BTAF1: variants seen among roughly 807,000 people sequenced by gnomAD.
BTAF1 encodes the protein TATA-binding protein-associated factor 172.
In BTAF1, 38 loss-of-function variants were observed where a neutral mutation model predicts 227.1. The ratio of observed to expected loss-of-function variants is 0.17; its 90% CI spans 0.13 to 0.22. The LOEUF is 0.22. BTAF1 is among the 10% of genes least tolerant of loss of function. BTAF1 has a pLI of 1.00. For missense variants in BTAF1, 1,598 were observed against 2,204.0 expected (o/e 0.73, Z 5.51); for synonymous variants, 742 against 751.9 (o/e 0.99, Z 0.21).
chr10:91,991,181 G>A (rs1848702729), intron 20 of BTAF1, among the ~76,000 whole-genome samples: 1 of 150,194 alleles, frequency 6.7e-6, no homozygotes, highest in Non-Finnish European at 1.5e-5. Flanking sequence ...GGGAGGCTGA[G>A]CTTGCAGTGA....
chr10:92,002,422 G>A (rs10882016), intron 25 of BTAF1, among the ~76,000 whole-genome samples: 41,480 of 152,010 alleles, frequency 0.27, 6,929 homozygotes, highest in Non-Finnish European at 0.38. Context: ...GGACACTCAC[G>A]AGGGGTTGCT....
At position 91,948,190 on chromosome 10, in the gene BTAF1, G is replaced by A. The variant is rs1240956781; in HGVS notation, c.401-3213G>A. Among the ~76,000 whole-genome samples, 29 of 142,368 alleles carry A rather than the reference G, an allele frequency of 2.0e-4. No homozygotes were observed. In the East Asian group the frequency reaches 5.2e-3, roughly 26 times the overall value. 93.4% of individuals were successfully genotyped at this position (142,368 alleles called of 152,430 possible). A position where few individuals can be genotyped will look rare whatever the true frequency, so the allele number is the denominator to read the frequency against. On this transcript the variant is annotated intron_variant, in intron 4 of 37. Transcript: ENST00000265990. ...CACCCCACGACAGGCCCCGGTGTGC[G>A]ACGTTCCTCCCCCTGTGTCCAAGTG...
intron 14 of BTAF1, among the ~76,000 whole-genome samples, chr10:91,976,762 C>T (rs1414044355): frequency 6.6e-6 from 1 of 152,116 alleles, no homozygotes; most frequent in African/African-American, 2.4e-5. Context: ...TTCCAGTGGC[C>T]AGGATGGATT....
intron 4 of BTAF1, among the ~76,000 whole-genome samples, chr10:91,948,502 A>G (rs1447673071): frequency 6.7e-6 from 1 of 150,338 alleles, no homozygotes; most frequent in Non-Finnish European, 1.5e-5. Flanking sequence ...CAATCCTCCC[A>G]TCTTGCTAGG....
rs201856191 is a variant in BTAF1, at chr10:91,989,351, T to A, written c.2625T>A (p.Asn875Lys). Residue 875 changes from asparagine to lysine, a missense_variant, in exon 20 of 38, where the codon AAT becomes AAA. By Grantham distance (94) the Asn-to-Lys change is moderately conservative (BLOSUM62 0). Coordinates refer to ENST00000265990, the MANE Select transcript of BTAF1 (RefSeq NM_003972.3). ...TGCAGCAGCTTCCGGAGAAATTAAA[T>A]CCTATCATAAAACCATTAATGGAGA... The part of the protein sequence containing the change: ...VSLQQLPEKL[N>K]PIIKPLMETI... The A allele has an allele frequency of 6.2e-7, 1 of 1,614,104 alleles. No individual in the cohort carries two copies. The highest frequency in any genetic ancestry group is 8.5e-7 in the Non-Finnish European group (1 of 1,180,024).
At chr10:91,950,835 T>TG (rs1845723982) in intron 4 of BTAF1, among the ~76,000 whole-genome samples, 1 of 149,482 alleles carries the variant, frequency 6.7e-6, no homozygotes, top group South Asian at 2.1e-4. Flanking sequence ...GAGATGTATT[T>TG]TTTTTTTTTT....
chr10:92,008,188 CT>C lies in BTAF1; in HGVS notation c.3731del (p.Leu1244TrpfsTer5). On this transcript the variant is annotated frameshift_variant, in exon 26 of 38. Transcript: ENST00000265990. LOFTEE classifies it high-confidence loss of function. ...LIQLKAKERH[F>X]LEQLLDGKKL... ...TCCAATTGAAAGCCAAGGAGCGACACTTTTTGGAGCAATTGTTAGATGGGAA... is the reference window on the plus strand; with the variant it reads ...TCCAATTGAAAGCCAAGGAGCGACACTTTTGGAGCAATTGTTAGATGGGAA... The C allele has an allele frequency of 6.2e-7, 1 of 1,604,810 alleles. No individual in the cohort carries two copies. The highest frequency in any genetic ancestry group is 8.5e-7 in the Non-Finnish European group (1 of 1,178,146).
intron 14 of BTAF1, among the ~76,000 whole-genome samples, chr10:91,978,814 G>GTTTTTTTTTT (rs145477284): frequency 4.5e-5 from 4 of 89,866 alleles, no homozygotes; most frequent in African/African-American, 1.8e-4. Context: ...TTTATGGCTT[G>GTTTTTTTTTT]TTTTTTTTTT....
At chr10:92,008,610 A>G (rs1005869808) in intron 26 of BTAF1, among the ~76,000 whole-genome samples, 3 of 151,776 alleles carry the variant, frequency 2.0e-5, no homozygotes, top group African/African-American at 7.3e-5. Context: ...TGGCCCCCCA[A>G]AGTGCTGGGA....
intron 14 of BTAF1, among the ~76,000 whole-genome samples, chr10:91,971,788 A>G (rs980120160): frequency 5.9e-5 from 9 of 151,952 alleles, no homozygotes; most frequent in Admixed American, 5.9e-4. Context: ...CAAACCTTTC[A>G]GGAAGCTTTT....
intron 4 of BTAF1, among the ~76,000 whole-genome samples, chr10:91,942,777 A>G (rs1020463322): frequency 6.6e-6 from 1 of 152,194 alleles, no homozygotes; most frequent in Non-Finnish European, 1.5e-5. Flanking sequence ...TTCTCCTTTA[A>G]GTGAATATGT....
At chr10:92,005,663 A>T (rs554904948) in intron 25 of BTAF1, among the ~76,000 whole-genome samples, 2 of 152,172 alleles carry the variant, frequency 1.3e-5, no homozygotes, top group Non-Finnish European at 2.9e-5. Context: ...TGAAGACACC[A>T]AAGAGCTGTT....
intron 5 of BTAF1, 98 bp downstream of exon 5, chr10:91,951,664 G>T (rs571264069): frequency 2.3e-6 from 3 of 1,303,792 alleles, no homozygotes; most frequent in Admixed American, 5.1e-5. Context: ...GTTATACTTA[G>T]CTCTGTTCAT....
In BTAF1 at chr10:91,984,386, A is replaced by T; in HGVS notation, c.2409A>T (p.Ile803=). 2 of 1,610,498 alleles carry T rather than the reference A, an allele frequency of 1.2e-6. No individual in the cohort carries two copies. The highest frequency in any genetic ancestry group is 8.5e-7 in the Non-Finnish European group (1 of 1,178,408). The change falls in exon 19 of 38, where the codon ATA becomes ATT. Residue 803 remains isoleucine (I), a synonymous_variant. Coordinates refer to ENST00000265990, the MANE Select transcript of BTAF1 (RefSeq NM_003972.3). ...GAGTAAACAACAATGTTTTAACAAT[A>T]GATCAAGCTAGTGACTTGGTGAGTA... ...GNRVNNNVLT[I]DQASDLVTTV...
intron 19 of BTAF1, among the ~76,000 whole-genome samples, chr10:91,985,100 C>G (rs982724235): frequency 1.3e-5 from 2 of 151,994 alleles, no homozygotes; most frequent in Non-Finnish European, 2.9e-5. Context: ...GAACCACTGT[C>G]AAGATACAGA....
intron 22 of BTAF1, among the ~76,000 whole-genome samples, chr10:91,994,098 G>A (rs1261163468): frequency 6.6e-6 from 1 of 152,174 alleles, no homozygotes; most frequent in Non-Finnish European, 1.5e-5. Context: ...CAGATCACTT[G>A]AGGTCAGGAG....
chr10:91,980,291 G>T (rs1036412568), intron 14 of BTAF1, among the ~76,000 whole-genome samples, 163 bp from the exon 15 acceptor site: 2 of 152,120 alleles, frequency 1.3e-5, no homozygotes, highest in African/African-American at 4.8e-5. Context: ...ATATGGTGTT[G>T]TTGCCTCAAA....
chr10:91,935,534 C>T (rs774365000), intron 1 of BTAF1, 123 bp from the exon 2 acceptor site: 26 of 1,009,432 alleles, frequency 2.6e-5, no homozygotes, highest in South Asian at 5.0e-5. Flanking sequence ...AATGTCTTTC[C>T]GGGGCTCATT....
chr10:91,972,456 A>G (rs764054181), intron 14 of BTAF1, among the ~76,000 whole-genome samples: 26 of 152,130 alleles, frequency 1.7e-4, no homozygotes, highest in Non-Finnish European at 3.2e-4. Flanking sequence ...GACAAATCAA[A>G]TCTCTAGTGC....
Sources: allele counts gnomAD v4.1 joint callset (sites outside exome capture counted in the v4.1 genomes callset), GRCh38; gene constraint gnomAD v4.1.1; transcripts MANE v1.5; gene names NCBI Gene and HGNC (gene_info 2026-07-23, HGNC 2026-07-21).